The following CD109 variants were observed in gnomAD, a reference collection of about 807,000 sequenced individuals.
CD109 encodes CD109 molecule.
In CD109, 149 loss-of-function variants were observed where a neutral mutation model predicts 165.8. The ratio of observed to expected loss-of-function variants is 0.90; its 90% CI spans 0.79 to 1.03. The LOEUF is 1.03. Ranked by LOEUF, CD109 falls within the 50% of genes least tolerant of loss-of-function variation. CD109 has a pLI of 0.00. For synonymous variants in CD109, 585 were observed against 592.1 expected (o/e 0.99, Z 0.18); for missense variants, 1,712 against 1,677.8 (o/e 1.02, Z -0.36).
chr6:73,708,843 GTTGT>G (rs1201225938), intron 2 of CD109, among the ~76,000 whole-genome samples: 4 of 152,116 alleles, frequency 2.6e-5, no homozygotes, highest in African/African-American at 7.2e-5. Context: ...TGTTGATGGG[GTTGT>G]TTGTTTTTTT....
intron 22 of CD109, among the ~76,000 whole-genome samples, chr6:73,790,119 G>C (rs1234140148): frequency 1.5e-5 from 1 of 65,394 alleles, no homozygotes; most frequent in African/African-American, 7.4e-5. Context: ...TTTTGAGATG[G>C]AGTCTTTCTC....
At chr6:73,745,751 C>G (rs1416831110) in intron 5 of CD109, among the ~76,000 whole-genome samples, 1 of 152,164 alleles carries the variant, frequency 6.6e-6, no homozygotes, top group Non-Finnish European at 1.5e-5. Flanking sequence ...GTTTTTGAGA[C>G]AGAGTCTCGC....
At chr6:73,743,559 T>A (rs1772869667) in intron 5 of CD109, among the ~76,000 whole-genome samples, 2 of 152,248 alleles carry the variant, frequency 1.3e-5, no homozygotes, top group Non-Finnish European at 2.9e-5. Context: ...TCCTTATTTT[T>A]TCTGGACTTG....
intron 28 of CD109, among the ~76,000 whole-genome samples, chr6:73,811,509 T>C (rs142516321): frequency 3.5e-3 from 533 of 152,262 alleles, no homozygotes; most frequent in African/African-American, 0.012. Flanking sequence ...ATCATACATA[T>C]GATAAAACTG....
In CD109 at chr6:73,806,279, A is replaced by G. The variant is rs1383759490; in HGVS notation, c.2961-565A>G. ...TCGCAAGGACAAAAAACCAAACACC[A>G]CATGTTCTCACTCATAGGTGGAAAT... On this transcript the variant is annotated intron_variant, in intron 24 of 32. Coordinates refer to ENST00000287097, the MANE Select transcript of CD109 (RefSeq NM_133493.5). 3.4e-4 allele frequency among the ~76,000 whole-genome samples: 52 copies of G among 151,250 alleles called. 1 individual carries two copies. Among genetic ancestry groups the G allele is most frequent in the African/African-American group, 1.2e-3 (50 of 41,116 alleles).
At chr6:73,680,825 G>T in the CD109 span, among the ~76,000 whole-genome samples, 28 of 152,294 alleles carry the variant, frequency 1.8e-4, no homozygotes, top group African/African-American at 5.8e-4. Context: ...GAGTTTCAAA[G>T]CACGGCGCCT....
At chr6:73,714,011 G>A (rs1771631545) in intron 2 of CD109, among the ~76,000 whole-genome samples, 1 of 152,098 alleles carries the variant, frequency 6.6e-6, no homozygotes, top group Non-Finnish European at 1.5e-5. Flanking sequence ...GCTTCCTCCA[G>A]TTATGGAGCT....
chr6:73,690,369 T>C, the CD109 span, among the ~76,000 whole-genome samples: 3 of 152,234 alleles, frequency 2.0e-5, no homozygotes, highest in Non-Finnish European at 4.4e-5. Context: ...TTTATTCCTT[T>C]TGTTTGTTTT....
At chr6:73,722,533 G>GA (rs1771995992) in intron 2 of CD109, among the ~76,000 whole-genome samples, 1 of 152,194 alleles carries the variant, frequency 6.6e-6, no homozygotes, top group African/African-American at 2.4e-5. Flanking sequence ...TCCTGGAGGA[G>GA]AGGGACCACA....
rs528864811 is a variant in CD109 at position 73,788,247 on chromosome 6, A to G, written c.2557-221A>G. 2.6e-5 allele frequency among the ~76,000 whole-genome samples: 4 copies of G among 152,338 alleles called. No individual in the cohort carries two copies. The South Asian group carries it at 8.3e-4, about 32-fold the overall frequency. On this transcript the variant is annotated intron_variant, in intron 21 of 32. Transcript: ENST00000287097. ...ATCAAAGTTATGGTAATTTTTTGTA[A>G]TACAGACTAACAAGAAAAACTCATT...
intron 5 of CD109, 41 bp downstream of exon 5, chr6:73,736,549 T>C (rs756858188): frequency 6.3e-7 from 1 of 1,574,926 alleles, no homozygotes; most frequent in South Asian, 1.2e-5. Flanking sequence ...GTTAAAGTGA[T>C]TTAATTAGGT....
chr6:73,787,488 A>G, intron 21 of CD109, 36 bp downstream of exon 21: 1 of 1,508,886 alleles, frequency 6.6e-7, no homozygotes, highest in Non-Finnish European at 9.1e-7. Context: ...TGAAATGGAA[A>G]TACGTAATTA....
At chr6:73,693,919 CTT>C (rs888949444), upstream of CD109, 1 of 149,034 alleles carries the variant, frequency 6.7e-6, no homozygotes, top group African/African-American at 2.5e-5. Context: ...GAGTTTTGCT[CTT>C]GTTGCCCAGG....
chr6:73,804,931 A>G (rs1271266852), intron 24 of CD109, among the ~76,000 whole-genome samples: 2 of 152,236 alleles, frequency 1.3e-5, no homozygotes, highest in African/African-American at 2.4e-5. Context: ...AGAGAAATGT[A>G]AATCAAAACC....
At chr6:73,728,066 A>G (rs1219968216) in intron 3 of CD109, among the ~76,000 whole-genome samples, 1 of 152,170 alleles carries the variant, frequency 6.6e-6, no homozygotes, top group Non-Finnish European at 1.5e-5. Flanking sequence ...CACATGTATA[A>G]TCCCATCACT....
Position 73,782,700 on chromosome 6 carries a change from C to G in CD109, c.2050C>G (p.Pro684Ala), listed in dbSNP as rs914798817. Reference protein sequence around the residue: ...DIHDFSLGSSPHVRKHFPETW... With the variant: ...DIHDFSLGSSAHVRKHFPETW... ...TCATGACTTTTCTTTGGGTAGCAGT[C>G]CACATGTCCGAAAGCATTTTCCAGA... The change falls in exon 18 of 33, where the codon CCA becomes GCA. Residue 684 changes from proline to alanine, a missense_variant. By Grantham distance (27) the Pro-to-Ala change is conservative. Coordinates refer to ENST00000287097, the MANE Select transcript of CD109 (RefSeq NM_133493.5). The G allele has an allele frequency of 1.1e-5, 18 of 1,613,774 alleles. No individual in the cohort carries two copies. The highest frequency in any genetic ancestry group is 1.5e-5 in the Non-Finnish European group (18 of 1,179,836).
chr6:73,796,493 AC>A (rs1309251249), intron 23 of CD109, among the ~76,000 whole-genome samples: 1 of 152,034 alleles, frequency 6.6e-6, no homozygotes, highest in Non-Finnish European at 1.5e-5. Flanking sequence ...TCCAATTTGT[AC>A]TACTCCATTT....
At chr6:73,747,699 C>A (rs888031039) in intron 5 of CD109, among the ~76,000 whole-genome samples, 3 of 152,062 alleles carry the variant, frequency 2.0e-5, no homozygotes, top group Non-Finnish European at 4.4e-5. Context: ...TCATTCTTAA[C>A]AATCTTTCCC....
chr6:73,783,320 A>C (rs1277610173), intron 18 of CD109, among the ~76,000 whole-genome samples: 1 of 152,272 alleles, frequency 6.6e-6, no homozygotes, highest in African/African-American at 2.4e-5. Context: ...TGAAATCTCA[A>C]GGAAACAAAT....
Sources: allele counts gnomAD v4.1 joint callset (sites outside exome capture counted in the v4.1 genomes callset), GRCh38; gene constraint gnomAD v4.1.1; transcripts MANE v1.5; gene names NCBI Gene and HGNC (gene_info 2026-07-23, HGNC 2026-07-21).